PAX5: variants seen among roughly 807,000 people sequenced by gnomAD.
PAX5 encodes paired box protein Pax-5.
In PAX5, 9 loss-of-function variants were observed where a neutral mutation model predicts 43.7. The observed-to-expected ratio is 0.21, with a 90% CI of 0.12 to 0.36. PAX5 has a LOEUF of 0.36. Among genes scored for constraint, PAX5 ranks in the 10% least tolerant of loss-of-function variants. The pLI is 1.00. For missense variants in PAX5, 383 were observed against 532.7 expected (o/e 0.72, Z 2.77); for synonymous variants, 228 against 214.3 (o/e 1.06, Z -0.56).
At chr9:36,892,386 A>G (rs903669353) in intron 7 of PAX5, among the ~76,000 whole-genome samples, 2 of 152,210 alleles carry the variant, frequency 1.3e-5, no homozygotes, top group Admixed American at 1.3e-4. Context: ...AACAGCAACT[A>G]TCCTTTACAC....
chr9:36,949,944 C>G (rs184867045), intron 6 of PAX5, among the ~76,000 whole-genome samples: 22 of 152,364 alleles, frequency 1.4e-4, no homozygotes, highest in African/African-American at 5.1e-4. Context: ...CACCTACCCT[C>G]GACCTCCCTA....
chr9:36,947,952 C>T (rs1832689257), intron 6 of PAX5, among the ~76,000 whole-genome samples: 1 of 152,120 alleles, frequency 6.6e-6, no homozygotes. Context: ...TGGTGAAAGG[C>T]AGAGCCGTGT....
intron 5 of PAX5, among the ~76,000 whole-genome samples, chr9:36,991,875 T>C (rs1397515731): frequency 1.3e-5 from 2 of 152,206 alleles, no homozygotes; most frequent in East Asian, 3.8e-4. Flanking sequence ...GATCAGTTAA[T>C]TTTGCTACAA....
At position 36,887,062 on chromosome 9, in the gene PAX5, T is replaced by A. The variant is rs1006730049; in HGVS notation, c.911-4957A>T. Among the ~76,000 whole-genome samples the A allele has an allele frequency of 2.0e-5, 3 of 152,232 alleles. No individual in the cohort carries two copies. In the East Asian group the frequency reaches 5.8e-4, roughly 29 times the overall value. The stretch of plus-strand genomic sequence containing the variant: ...GAGGAAACTGAGGCTCAGGGATGAG[T>A]TTTGACTGGCCCAAAGTCACAGAGT... On this transcript the variant is annotated intron_variant, in intron 7 of 9. Coordinates refer to ENST00000358127, the MANE Select transcript of PAX5 (RefSeq NM_016734.3).
intron 6 of PAX5, among the ~76,000 whole-genome samples, chr9:36,933,135 C>A (rs1442417026): frequency 3.4e-5 from 5 of 145,076 alleles, no homozygotes; most frequent in African/African-American, 1.3e-4. Flanking sequence ...CAGAGGGAGA[C>A]CCTGTCTCAA....
intron 8 of PAX5, among the ~76,000 whole-genome samples, chr9:36,862,198 G>A (rs1490434341): frequency 6.6e-6 from 1 of 152,204 alleles, no homozygotes; most frequent in African/African-American, 2.4e-5. Context: ...GTCCCTACGG[G>A]GTTGTGGTGA....
At position 36,837,932 on chromosome 9, in the gene PAX5, G is replaced by C. The variant is rs1821755907; in HGVS notation, c.*2628C>G. On this transcript the variant is annotated 3_prime_UTR_variant, in exon 10 of 10. Transcript: ENST00000358127. ...CCTCCCAACAGCCTGGAACCACAAG[G>C]AGGGCAGGATCCAAAGATGTGGGTA... 2 of 233,420 alleles carry C rather than the reference G, an allele frequency of 8.6e-6. No individual in the cohort carries two copies. The highest frequency in any genetic ancestry group is 1.7e-5 in the Non-Finnish European group (2 of 118,124). The allele number at this position is 233,420 out of a possible 1,614,324, so 14.5% of individuals were successfully genotyped here. A position where few individuals can be genotyped will look rare whatever the true frequency, so the allele number is the denominator to read the frequency against.
At chr9:36,905,046 T>G (rs1047859446) in intron 7 of PAX5, among the ~76,000 whole-genome samples, 3 of 152,156 alleles carry the variant, frequency 2.0e-5, no homozygotes, top group African/African-American at 7.2e-5. Context: ...GTAGGGTAAT[T>G]GAGGAGGGCT....
intron 6 of PAX5, among the ~76,000 whole-genome samples, chr9:36,926,565 C>A (rs377564072): frequency 6.6e-6 from 1 of 152,190 alleles, no homozygotes; most frequent in Non-Finnish European, 1.5e-5. Context: ...GAGAATGAAT[C>A]GGGCATGAAT....
intron 6 of PAX5, among the ~76,000 whole-genome samples, chr9:36,944,153 C>T (rs1339287399): frequency 1.3e-5 from 2 of 152,168 alleles, no homozygotes; most frequent in African/African-American, 4.8e-5. Flanking sequence ...CACTGCACTC[C>T]AGCCTGGGTG....
At chr9:36,858,655 T>A (rs1476418112) in intron 8 of PAX5, among the ~76,000 whole-genome samples, 1 of 152,186 alleles carries the variant, frequency 6.6e-6, no homozygotes, top group Non-Finnish European at 1.5e-5. Context: ...CCAGCCTCTA[T>A]TACTGGCTCC....
At chr9:36,892,686 C>A (rs1245775143) in intron 7 of PAX5, among the ~76,000 whole-genome samples, 1 of 152,120 alleles carries the variant, frequency 6.6e-6, no homozygotes, top group Non-Finnish European at 1.5e-5. Context: ...GAAAAATACA[C>A]CAAGATATTT....
At chr9:36,897,016 C>A (rs1827928367) in intron 7 of PAX5, among the ~76,000 whole-genome samples, 1 of 152,180 alleles carries the variant, frequency 6.6e-6, no homozygotes, top group African/African-American at 2.4e-5. Context: ...GGAGAAGGCA[C>A]TGAAACAGGG....
chr9:36,989,958 C>G (rs530592786), intron 5 of PAX5, among the ~76,000 whole-genome samples: 1 of 152,122 alleles, frequency 6.6e-6, no homozygotes, highest in Non-Finnish European at 1.5e-5. Flanking sequence ...AGGCGAGTGA[C>G]AAATGTGATA....
intron 6 of PAX5, among the ~76,000 whole-genome samples, chr9:36,946,747 C>A (rs1380693293): frequency 6.6e-6 from 1 of 152,152 alleles, no homozygotes; most frequent in Non-Finnish European, 1.5e-5. Flanking sequence ...ACTTGAAATC[C>A]ACTGGTGAGC....
chr9:36,900,467 C>G (rs933876406), intron 7 of PAX5, among the ~76,000 whole-genome samples: 1 of 152,226 alleles, frequency 6.6e-6, no homozygotes, highest in African/African-American at 2.4e-5. Context: ...CTGTGGCCCT[C>G]TTGGAGACCC....
intron 6 of PAX5, among the ~76,000 whole-genome samples, chr9:36,960,034 T>TACTACAGCAATC (rs1833821049): frequency 6.6e-6 from 1 of 152,214 alleles, no homozygotes; most frequent in Non-Finnish European, 1.5e-5. Context: ...CTACAGCAAT[T>TACTACAGCAATC]ACTACAGCAA....
At chr9:36,914,762 C>T (rs576409360) in intron 7 of PAX5, among the ~76,000 whole-genome samples, 1 of 152,080 alleles carries the variant, frequency 6.6e-6, no homozygotes, top group Non-Finnish European at 1.5e-5. Context: ...CACCATAATG[C>T]CCCAAAAAGC....
In PAX5 at chr9:36,895,111, T is replaced by C. The variant is rs2131831862; in HGVS notation, c.911-13006A>G. ...TCGCTGCACCTCCCTACCACACGCT[T>C]TCATTTGTGCTAAACCTCTGCCAGC... On this transcript the variant is annotated intron_variant, in intron 7 of 9. Coordinates refer to ENST00000358127, the MANE Select transcript of PAX5 (RefSeq NM_016734.3). Among the ~76,000 whole-genome samples the C allele has an allele frequency of 1.3e-5, 2 of 152,322 alleles. 1 individual carries two copies. Among genetic ancestry groups the C allele is most frequent in the South Asian group, 4.1e-4 (2 of 4,824 alleles).
Sources: gnomAD v4.1 joint callset for allele counts (sites outside exome capture counted in the v4.1 genomes callset) on GRCh38, gnomAD v4.1.1 for gene constraint, MANE v1.5 for transcripts, NCBI Gene and HGNC (gene_info 2026-07-23, HGNC 2026-07-21) for gene names.